The following RBFOX2 variants were observed in gnomAD, a reference collection of about 807,000 sequenced individuals.
RBFOX2 encodes RNA binding fox-1 homolog 2.
A neutral mutation model predicts 49.1 loss-of-function variants in RBFOX2; 10 were observed. That is an observed-to-expected ratio of 0.20 (90% confidence interval 0.13 to 0.35). The LOEUF (loss-of-function observed/expected upper bound fraction) is 0.35, where lower values mean the gene tolerates loss of function less well. Among genes scored for constraint, RBFOX2 ranks in the 10% least tolerant of loss-of-function variants. The pLI is 1.00. For synonymous variants in RBFOX2, 183 were observed against 187.4 expected (o/e 0.98, Z 0.19); for missense variants, 323 against 486.9 (o/e 0.66, Z 3.17).
intron 1 of RBFOX2, among the ~76,000 whole-genome samples, chr22:35,869,040 C>T (rs1267846692): frequency 6.6e-6 from 1 of 152,116 alleles, no homozygotes; most frequent in Non-Finnish European, 1.5e-5. Flanking sequence ...ACCTCAATCC[C>T]TTTTTCTACT....
chr22:35,901,560 C>T (rs561026723), intron 1 of RBFOX2, among the ~76,000 whole-genome samples: 1 of 152,280 alleles, frequency 6.6e-6, no homozygotes, highest in Admixed American at 6.5e-5. Context: ...TACTTGTGCA[C>T]TGGCCAAAAC....
intron 1 of RBFOX2, among the ~76,000 whole-genome samples, chr22:35,849,298 AACACAC>A (rs61515031): frequency 0.039 from 5,150 of 133,332 alleles, 127 homozygotes; most frequent in East Asian, 0.14. Flanking sequence ...TACACACACA[AACACAC>A]ACACACACAC....
At chr22:35,890,052 T>C (rs1464934141) in intron 1 of RBFOX2, among the ~76,000 whole-genome samples, 1 of 152,178 alleles carries the variant, frequency 6.6e-6, no homozygotes, top group Non-Finnish European at 1.5e-5. Context: ...TCAAGTTTTA[T>C]GATAAAGCCA....
upstream of RBFOX2, among the ~76,000 whole-genome samples, chr22:35,942,598 A>G (rs997035021): frequency 6.6e-6 from 1 of 151,850 alleles, no homozygotes; most frequent in Non-Finnish European, 1.5e-5. Context: ...CTCAGGTCAT[A>G]TTAAATGACA....
chr22:35,894,238 A>G (rs1398411682), intron 1 of RBFOX2, among the ~76,000 whole-genome samples: 1 of 152,202 alleles, frequency 6.6e-6, no homozygotes, highest in African/African-American at 2.4e-5. Flanking sequence ...TAACTGCTAT[A>G]GACTTGATTT....
intron 9 of RBFOX2, among the ~76,000 whole-genome samples, chr22:35,750,193 A>G (rs938786170): frequency 1.3e-5 from 2 of 152,186 alleles, no homozygotes; most frequent in African/African-American, 2.4e-5. Context: ...CCCATCTGTT[A>G]TATCAGAGAA....
intron 4 of RBFOX2, among the ~76,000 whole-genome samples, chr22:35,776,470 C>A (rs1398134091): frequency 2.0e-5 from 3 of 152,002 alleles, no homozygotes; most frequent in African/African-American, 7.2e-5. Flanking sequence ...ATACATTCTA[C>A]AAAGGAAGGG....
intron 1 of RBFOX2, among the ~76,000 whole-genome samples, chr22:35,979,925 G>A (rs945334110): frequency 1.3e-5 from 2 of 152,102 alleles, no homozygotes; most frequent in Non-Finnish European, 1.5e-5. Context: ...ATCACGTAAC[G>A]AAGTATGTGC....
chr22:35,980,914 T>C (rs1273322171), intron 1 of RBFOX2, among the ~76,000 whole-genome samples: 1 of 152,206 alleles, frequency 6.6e-6, no homozygotes, highest in Non-Finnish European at 1.5e-5. Context: ...TGCACGCTTA[T>C]GTATTTATGT....
At chr22:35,940,461 ATGG>A (rs2053576817), upstream of RBFOX2, among the ~76,000 whole-genome samples, 3 of 152,240 alleles carry the variant, frequency 2.0e-5, no homozygotes, top group Non-Finnish European at 4.4e-5. Context: ...TGTCAAAGAC[ATGG>A]AGAAATCAGA....
At chr22:35,850,193 TACACACACACACACACACAC>T (rs58692076) in intron 1 of RBFOX2, among the ~76,000 whole-genome samples, 3 of 132,520 alleles carry the variant, frequency 2.3e-5, no homozygotes, top group East Asian at 2.3e-4. Flanking sequence ...CTCTCTCTCA[TACACACACACACACACACAC>T]ACACACACAC....
At chr22:35,837,677 T>C (rs1033577664) in intron 1 of RBFOX2, among the ~76,000 whole-genome samples, 2 of 152,218 alleles carry the variant, frequency 1.3e-5, no homozygotes, top group African/African-American at 4.8e-5. Flanking sequence ...GCTGGAATAC[T>C]GAAAATTCAC....
intron 1 of RBFOX2, among the ~76,000 whole-genome samples, chr22:35,849,318 C>CACACAA (rs2041626337): frequency 6.6e-6 from 1 of 151,608 alleles, no homozygotes. Flanking sequence ...CACACACACA[C>CACACAA]ACACACACAC....
intron 1 of RBFOX2, among the ~76,000 whole-genome samples, chr22:36,010,710 T>C (rs2058785992): frequency 6.7e-6 from 1 of 149,874 alleles, no homozygotes; most frequent in African/African-American, 2.5e-5. Flanking sequence ...CACATCTGAA[T>C]CAGAATCCAA....
At chr22:35,981,232 C>G (rs559253827) in intron 1 of RBFOX2, among the ~76,000 whole-genome samples, 5 of 152,296 alleles carry the variant, frequency 3.3e-5, no homozygotes, top group Non-Finnish European at 5.9e-5. Flanking sequence ...AAAGCCCATC[C>G]TCTTTCTGTT....
chr22:35,750,289 G>A, intron 9 of RBFOX2: 1 of 563,818 alleles, frequency 1.8e-6, no homozygotes. Context: ...AAAAAAAGAG[G>A]AGAAATAATT....
chr22:35,885,552 A>G (rs899468376), intron 1 of RBFOX2, among the ~76,000 whole-genome samples: 6 of 152,210 alleles, frequency 3.9e-5, no homozygotes, highest in African/African-American at 1.4e-4. Context: ...GAGAAACACA[A>G]TGAAACCATA....
chr22:35,930,693 G>A (rs940098687), intron 1 of RBFOX2, among the ~76,000 whole-genome samples: 3 of 151,940 alleles, frequency 2.0e-5, no homozygotes, highest in African/African-American at 4.8e-5. Flanking sequence ...AGTCGGGTTT[G>A]GTGGTGTGCG....
intron 1 of RBFOX2, among the ~76,000 whole-genome samples, chr22:35,985,942 AG>A (rs1340745194): frequency 2.1e-3 from 310 of 145,860 alleles, no homozygotes; most frequent in African/African-American, 7.4e-3. Flanking sequence ...ATAGATAGAT[AG>A]ATAGATAGAT....
Sources: gnomAD v4.1 joint callset for allele counts (sites outside exome capture counted in the v4.1 genomes callset) on GRCh38, gnomAD v4.1.1 for gene constraint, MANE v1.5 for transcripts, NCBI Gene and HGNC (gene_info 2026-07-23, HGNC 2026-07-21) for gene names.